The following NLE1 variants were observed in gnomAD, a reference collection of about 807,000 sequenced individuals.
NLE1 encodes the protein notchless protein homolog 1.
NLE1 carries 37 observed loss-of-function variants against 62.8 expected under a neutral mutation model. That is an observed-to-expected ratio of 0.59 (90% confidence interval 0.45 to 0.78). The LOEUF is 0.78. Ranked by LOEUF, NLE1 falls within the 30% of genes least tolerant of loss-of-function variation. The pLI is 0.00. For missense variants in NLE1, 555 were observed against 637.9 expected (o/e 0.87, Z 1.40); for synonymous variants, 243 against 253.0 (o/e 0.96, Z 0.37).
At chr17:35,134,563 C>G (rs1348201737) in intron 10 of NLE1, among the ~76,000 whole-genome samples, 2 of 152,066 alleles carry the variant, frequency 1.3e-5, no homozygotes, top group Non-Finnish European at 2.9e-5. Context: ...CTATGCCTGG[C>G]TAATTTTTGT....
rs8068092 is a variant in NLE1 at position 35,133,596 on chromosome 17, G to A, written c.1215-98C>T. ...GCTCATGGCAGTGGTTCTCAACCTC[G>A]GCTGTCTGTTAGAAATACCTGGGAA... On this transcript the variant is annotated intron_variant, in intron 10 of 12. Transcript: ENST00000442241. 2,800 of 1,167,548 alleles carry A rather than the reference G, an allele frequency of 2.4e-3. 6 individuals are homozygous for A. Among genetic ancestry groups the A allele is most frequent in the Non-Finnish European group, 3.0e-3 (2,536 of 833,128 alleles). The allele number at this position is 1,167,548 out of a possible 1,614,324, so 72.3% of individuals were successfully genotyped here. A position where few individuals can be genotyped will look rare whatever the true frequency, so the allele number is the denominator to read the frequency against.
Position 35,139,232 on chromosome 17 carries a change from G to C in NLE1, c.460+3C>G. On this transcript the variant is annotated splice_donor_region_variant and intron_variant, in intron 4 of 12. Coordinates refer to ENST00000442241, the MANE Select transcript of NLE1 (RefSeq NM_018096.5). ...CCCCCTAAATGGCTAATTGCATACTGACCCTTGCATGTGAAATGTGGTGTC... is the reference window on the plus strand; with the variant it reads ...CCCCCTAAATGGCTAATTGCATACTCACCCTTGCATGTGAAATGTGGTGTC... 1 of 1,613,000 alleles carries C rather than the reference G, an allele frequency of 6.2e-7. No individual in the cohort carries two copies. Among genetic ancestry groups the C allele is most frequent in the Non-Finnish European group, 8.5e-7 (1 of 1,179,300 alleles).
rs1158022966 is a variant in NLE1 at position 35,129,485 on chromosome 17, G to T, written c.*2952C>A. The T allele has an allele frequency of 3.7e-6, 6 of 1,614,206 alleles. No individual in the cohort carries two copies. The highest frequency in any genetic ancestry group is 5.1e-6 in the Non-Finnish European group (6 of 1,180,024). ...TTTCTACCAGCTCCTGTTACAGGAG[G>T]TGGCCAAGACACAGGAGAATGAGTT... On this transcript the variant is annotated 3_prime_UTR_variant, in exon 13 of 13. Transcript: ENST00000442241.
chr17:35,134,297 A>G (rs993765034), intron 10 of NLE1, among the ~76,000 whole-genome samples: 3 of 152,214 alleles, frequency 2.0e-5, no homozygotes, highest in Middle Eastern at 3.2e-3. Flanking sequence ...CCAAGTAACA[A>G]TTGTACCACA....
At chr17:35,137,219 A>G (rs2091914690) in intron 6 of NLE1, 26 bp from the exon 7 acceptor site, 1 of 1,576,732 alleles carries the variant, frequency 6.3e-7, no homozygotes, top group Non-Finnish European at 8.7e-7. Context: ...ATGTGACCTC[A>G]TCTGTGACCT....
intron 12 of NLE1, 116 bp downstream of exon 12, chr17:35,133,055 C>G: frequency 1.9e-6 from 2 of 1,027,444 alleles, no homozygotes; most frequent in Non-Finnish European, 3.0e-6. Context: ...CTCCTCAAGA[C>G]AGTCTGAGCA....
chr17:35,140,201 T>C lies in NLE1; in HGVS notation c.163-135A>G, dbSNP rs994574319. The C allele has an allele frequency of 2.8e-5, 25 of 886,852 alleles. No homozygotes were observed. The East Asian group carries it at 2.9e-4, about 10-fold the overall frequency. 54.9% of individuals were successfully genotyped at this position (886,852 alleles called of 1,614,324 possible). On this transcript the variant is annotated intron_variant, in intron 2 of 12. Transcript: ENST00000442241. The stretch of plus-strand genomic sequence containing the variant: ...CATCGTGCTAGGGATACCCCCATCA[T>C]TGCCCATTGAGCAAGACCTTTTATT...
chr17:35,138,563 C>A (rs2091923728), intron 4 of NLE1, among the ~76,000 whole-genome samples: 1 of 152,170 alleles, frequency 6.6e-6, no homozygotes, highest in Non-Finnish European at 1.5e-5. Flanking sequence ...TCTGCCTCAG[C>A]CTCCCCAGTG....
chr17:35,141,552 CAAAAA>C (rs549704502), intron 2 of NLE1, among the ~76,000 whole-genome samples: 1 of 83,606 alleles, frequency 1.2e-5, no homozygotes, highest in Non-Finnish European at 2.5e-5. Context: ...GACTCCGTCT[CAAAAA>C]AAAAAAAAAA....
intron 10 of NLE1, among the ~76,000 whole-genome samples, chr17:35,134,446 C>A (rs1264948754): frequency 6.6e-6 from 1 of 152,034 alleles, no homozygotes; most frequent in Non-Finnish European, 1.5e-5. Context: ...GTTGCCCAGG[C>A]TGGAGTACAG....
At position 35,133,357 on chromosome 17, in the gene NLE1, C is replaced by A; in HGVS notation, c.1356G>T (p.Leu452=). The A allele has an allele frequency of 6.2e-7, 1 of 1,614,198 alleles. No individual in the cohort carries two copies. Among genetic ancestry groups the A allele is most frequent in the Non-Finnish European group, 8.5e-7 (1 of 1,180,040 alleles). The change falls in exon 11 of 13, where the codon CTG becomes CTT. Residue 452 remains leucine (L), a synonymous_variant. Coordinates refer to ENST00000442241, the MANE Select transcript of NLE1 (RefSeq NM_018096.5). ...GCCCTACCTCATCCGCGTGGCCGGG[C>A]AGGTCCATGGCCAGCTTCTGGGCCT... The part of the protein sequence containing the change: ...DVKAQKLAMD[L]PGHADEVYAV...
chr17:35,136,626 C>A, intron 7 of NLE1, 129 bp from the exon 8 acceptor site: 1 of 1,188,882 alleles, frequency 8.4e-7, no homozygotes, highest in Admixed American at 2.7e-5. Context: ...TCAAACTACC[C>A]CTCTGGGGTC....
Position 35,131,901 on chromosome 17 carries a change from G to A in NLE1, c.*536C>T, listed in dbSNP as rs2091878253. On this transcript the variant is annotated 3_prime_UTR_variant, in exon 13 of 13. Coordinates refer to ENST00000442241, the MANE Select transcript of NLE1 (RefSeq NM_018096.5). ...ATTCTCCTTGGCCACTATCACAACT[G>A]GCCTCTCTCTTACCAACACGGGGGA... 1 of 152,232 alleles carries A rather than the reference G, an allele frequency of 6.6e-6. No individual in the cohort carries two copies. Among genetic ancestry groups the A allele is most frequent in the African/African-American group, 2.4e-5 (1 of 41,442 alleles). The allele number at this position is 152,232 out of a possible 1,614,324, so 9.4% of individuals were successfully genotyped here.
At chr17:35,139,382 G>T in intron 3 of NLE1, 68 bp from the exon 4 acceptor site, 1 of 1,276,764 alleles carries the variant, frequency 7.8e-7, no homozygotes, top group Non-Finnish European at 1.1e-6. Context: ...ATCACTTTCT[G>T]TGAATAGAAT....
At position 35,130,269 on chromosome 17, in the gene NLE1, T is replaced by C. The variant is rs979289115; in HGVS notation, c.*2168A>G. 2 of 1,612,684 alleles carry C rather than the reference T, an allele frequency of 1.2e-6. No homozygotes were observed. The highest frequency in any genetic ancestry group is 2.7e-5 in the African/African-American group (2 of 74,956). On this transcript the variant is annotated 3_prime_UTR_variant, in exon 13 of 13. Transcript: ENST00000442241. Reference sequence around the variant, plus strand: ...GGGAAGGAACTCTGAAGGGTTTTCTTGTTTCACTTCAGTTTGCAACCCTGG... The same window carrying C: ...GGGAAGGAACTCTGAAGGGTTTTCTCGTTTCACTTCAGTTTGCAACCCTGG...
In NLE1 at chr17:35,130,656, C is replaced by T; in HGVS notation, c.*1781G>A. 1.8e-6 allele frequency: 1 copy of T among 548,462 alleles called. No homozygotes were observed. The highest frequency in any genetic ancestry group is 3.2e-6 in the Non-Finnish European group (1 of 309,502). The allele number at this position is 548,462 out of a possible 1,614,324, so 34.0% of individuals were successfully genotyped here. On this transcript the variant is annotated 3_prime_UTR_variant, in exon 13 of 13. Coordinates refer to ENST00000442241, the MANE Select transcript of NLE1 (RefSeq NM_018096.5). ...CCATGCCAGGCTCAGCCACTGCCCA[C>T]AGCTGCTAGACTCCCTCCTCCTCCA... is the stretch of plus-strand genomic sequence containing the variant.
chr17:35,138,146 T>A (rs1158974629), intron 4 of NLE1, among the ~76,000 whole-genome samples: 1 of 152,216 alleles, frequency 6.6e-6, no homozygotes, highest in African/African-American at 2.4e-5. Context: ...TTTGTACATG[T>A]CATCCCTTGT....
rs1283554159 is a variant in NLE1 at position 35,139,911 on chromosome 17, G to C, written c.318C>G (p.Cys106Trp). 1 of 1,613,992 alleles carries C rather than the reference G, an allele frequency of 6.2e-7. No individual in the cohort carries two copies. Among genetic ancestry groups the C allele is most frequent in the Non-Finnish European group, 8.5e-7 (1 of 1,180,040 alleles). ...CACTGTGACCCTCCAAGGAGCTGGT[G>C]CAGCGAGTCACAGCCCGGACTCTGA... ...AIFRVRAVTR[C>W]TSSLEGHSEA... Residue 106 changes from cysteine (C) to tryptophan (W), a missense_variant, in exon 3 of 13, where the codon TGC (cysteine) becomes TGG (tryptophan). Physicochemically the swap from Cys to Trp is radical, Grantham distance 215. Coordinates refer to ENST00000442241, the MANE Select transcript of NLE1 (RefSeq NM_018096.5).
In NLE1 at chr17:35,133,278, G is replaced by C. The variant is rs199746985; in HGVS notation, c.1375-37C>G. 1.5e-5 allele frequency: 24 copies of C among 1,614,072 alleles called. 1 individual carries two copies. The Admixed American group carries it at 3.8e-4, about 26-fold the overall frequency. On this transcript the variant is annotated intron_variant, in intron 11 of 12. Coordinates refer to ENST00000442241, the MANE Select transcript of NLE1 (RefSeq NM_018096.5). ...CAGAGGAAGGCAGGTGGGGTGGTGA[G>C]AGGGAGACAGCCAGCCAGGCTCCAA... is the stretch of plus-strand genomic sequence containing the variant.
Sources: allele counts gnomAD v4.1 joint callset (sites outside exome capture counted in the v4.1 genomes callset), GRCh38; gene constraint gnomAD v4.1.1; transcripts MANE v1.5; gene names NCBI Gene and HGNC (gene_info 2026-07-23, HGNC 2026-07-21).